The following BAIAP2 variants were observed in gnomAD, a reference collection of about 807,000 sequenced individuals.
BAIAP2 encodes the protein BAR/IMD domain-containing adapter protein 2.
In BAIAP2, 18 loss-of-function variants were observed where a neutral mutation model predicts 63.0. The observed-to-expected ratio is 0.29, with a 90% CI of 0.20 to 0.42. The LOEUF is 0.42. Among genes scored for constraint, BAIAP2 ranks in the 10% least tolerant of loss-of-function variants. BAIAP2 has a pLI of 1.00. For missense variants in BAIAP2, 610 were observed against 734.3 expected (o/e 0.83, Z 1.96); for synonymous variants, 386 against 307.6 (o/e 1.25, Z -2.67).
intron 2 of BAIAP2, among the ~76,000 whole-genome samples, chr17:81,056,947 T>TTGCGTTTTTCTGC (rs1312343987): frequency 2.0e-5 from 3 of 152,252 alleles, no homozygotes; most frequent in Non-Finnish European, 4.4e-5. Flanking sequence ...TTTTCTTTTG[T>TTGCGTTTTTCTGC]TCGAGGCAGC....
chr17:81,042,034 CAG>C (rs2047145004), intron 1 of BAIAP2, among the ~76,000 whole-genome samples: 1 of 152,148 alleles, frequency 6.6e-6, no homozygotes, highest in South Asian at 2.1e-4. Flanking sequence ...CCTGAGCCGT[CAG>C]GGGTGCCAAT....
rs1410629587 is a variant in BAIAP2 at position 81,114,590 on chromosome 17, G to A, written c.1536-1180G>A. Among the ~76,000 whole-genome samples the A allele has an allele frequency of 2.0e-5, 3 of 152,226 alleles. No homozygotes were observed. In the East Asian group the frequency reaches 5.8e-4, roughly 29 times the overall value. ...ATGCTTAGACGCCATCTGGGAGTCT[G>A]GGAGCCTTCCGCAGACCTGTCAGTC... On this transcript the variant is annotated intron_variant, in intron 13 of 13. Coordinates refer to ENST00000428708, the MANE Select transcript of BAIAP2 (RefSeq NM_001144888.2).
In BAIAP2 at chr17:81,103,538, C is replaced by A; in HGVS notation, c.679C>A (p.Gln227Lys). The A allele has an allele frequency of 6.3e-7, 1 of 1,594,352 alleles. No individual in the cohort carries two copies. The highest frequency in any genetic ancestry group is 2.3e-5 in the East Asian group (1 of 44,420). The change falls in exon 8 of 14, where the codon CAA (glutamine) becomes AAA (lysine). Residue 227 changes from glutamine (Q) to lysine (K), a missense_variant. By Grantham distance (53) the Gln-to-Lys change is moderately conservative. Around this residue, in one of 5 missense-constraint regions of BAIAP2, gnomAD observed 389 missense variants for 455.6 expected, o/e 0.85. Coordinates refer to ENST00000428708, the MANE Select transcript of BAIAP2 (RefSeq NM_001144888.2). ...ELLAQKLPLWQQACADPSKIP... is the reference protein window; with the variant it reads ...ELLAQKLPLWKQACADPSKIP... ...GCTGGCGCAGAAGCTGCCGCTGTGG[C>A]AACAGGCCTGTGCCGACCCCAGCAA...
At chr17:81,060,251 G>A (rs2050317092) in intron 3 of BAIAP2, among the ~76,000 whole-genome samples, 1 of 152,182 alleles carries the variant, frequency 6.6e-6, no homozygotes, top group South Asian at 2.1e-4. Context: ...TATTTACAGT[G>A]TGCAACCATT....
intron 1 of BAIAP2, among the ~76,000 whole-genome samples, chr17:81,044,579 C>T (rs11659017): frequency 0.19 from 28,826 of 152,196 alleles, 3,507 homozygotes; most frequent in Non-Finnish European, 0.26. Context: ...AACTTCAACA[C>T]GTGCATCTTG....
intron 3 of BAIAP2, among the ~76,000 whole-genome samples, chr17:81,058,544 A>G (rs766218928): frequency 2.1e-4 from 32 of 152,168 alleles, no homozygotes; most frequent in Non-Finnish European, 4.3e-4. Flanking sequence ...CCATGCTTCC[A>G]CAGTCCCCTC....
intron 3 of BAIAP2, among the ~76,000 whole-genome samples, chr17:81,084,622 A>C (rs2055243373): frequency 6.6e-6 from 1 of 152,088 alleles, no homozygotes; most frequent in Non-Finnish European, 1.5e-5. Context: ...CGTGCTGTGC[A>C]TTTGAGGTCT....
At chr17:81,037,758 T>TGTTTG (rs1192177544) in intron 1 of BAIAP2, among the ~76,000 whole-genome samples, 2 of 152,222 alleles carry the variant, frequency 1.3e-5, no homozygotes, top group South Asian at 2.1e-4. Flanking sequence ...GCGGCTCAGC[T>TGTTTG]GTTTGGTTTG....
At chr17:81,079,011 G>A (rs1196170018) in intron 3 of BAIAP2, among the ~76,000 whole-genome samples, 2 of 152,306 alleles carry the variant, frequency 1.3e-5, no homozygotes, top group South Asian at 2.1e-4. Context: ...GAGGGCAGTT[G>A]TGGGGTCTCA....
chr17:81,085,564 T>C, intron 4 of BAIAP2, 90 bp from the exon 5 acceptor site: 1 of 1,085,194 alleles, frequency 9.2e-7, no homozygotes, highest in Non-Finnish European at 1.4e-6. Flanking sequence ...ACCCGGTGTC[T>C]CGTGCCCATC....
At chr17:81,075,405 C>A (rs1346285304) in intron 3 of BAIAP2, among the ~76,000 whole-genome samples, 1 of 152,224 alleles carries the variant, frequency 6.6e-6, no homozygotes, top group African/African-American at 2.4e-5. Flanking sequence ...ATCTTTGAAT[C>A]GTGTGAAGCG....
chr17:81,038,101 C>T (rs762904753), intron 1 of BAIAP2, among the ~76,000 whole-genome samples: 7 of 152,228 alleles, frequency 4.6e-5, no homozygotes, highest in Non-Finnish European at 1.0e-4. Context: ...GCGGAAGACC[C>T]CTTCCTCCAC....
intron 6 of BAIAP2, among the ~76,000 whole-genome samples, chr17:81,093,920 T>A (rs968366915): frequency 6.6e-6 from 1 of 152,124 alleles, no homozygotes; most frequent in African/African-American, 2.4e-5. Context: ...TAAGGCTGTC[T>A]GTGGACAACC....
In BAIAP2 at chr17:81,106,047, G is replaced by A. The variant is rs371051881; in HGVS notation, c.1269-31G>A. The A allele has an allele frequency of 7.3e-5, 114 of 1,554,794 alleles. 1 individual carries two copies. In the African/African-American group the frequency reaches 1.4e-3, roughly 19 times the overall value. ...GGGGGATGGGGAGCCTCTGGGCTGA[G>A]CGTGGCTCTTACCTGGGGCCTCTCT... is the stretch of plus-strand genomic sequence containing the variant. On this transcript the variant is annotated intron_variant, in intron 10 of 13. Transcript: ENST00000428708.
At position 81,106,109 on chromosome 17, in the gene BAIAP2, G is replaced by T. The variant is rs2059152941; in HGVS notation, c.1300G>T (p.Val434Phe). 1 of 1,584,258 alleles carries T rather than the reference G, an allele frequency of 6.3e-7. No individual in the cohort carries two copies. The highest frequency in any genetic ancestry group is 8.6e-7 in the Non-Finnish European group (1 of 1,164,946). The change falls in exon 11 of 14, where the codon GTC (valine) becomes TTC (phenylalanine). Residue 434 changes from valine (V) to phenylalanine (F), a missense_variant. Physicochemically the swap from Val to Phe is conservative, Grantham distance 50. Coordinates refer to ENST00000428708, the MANE Select transcript of BAIAP2 (RefSeq NM_001144888.2). ...RGWFPFSYTR[V>F]LDSDGSDRLH... ...CTGGTTTCCCTTCTCCTACACCCGG[G>T]TCTTGGACAGCGATGGCAGTGACAG... is the stretch of plus-strand genomic sequence containing the variant.
At position 81,116,649 on chromosome 17, in the gene BAIAP2, C is replaced by A. The variant is rs897425717; in HGVS notation, c.*810C>A. ...AGGACTCCTGGGTGGACCTCCCCCC[C>A]CCACCTCCGCTGACTCCTGCAGGCA... On this transcript the variant is annotated 3_prime_UTR_variant, in exon 14 of 14. Transcript: ENST00000428708. The A allele has an allele frequency of 1.1e-5, 4 of 359,844 alleles. No homozygotes were observed. Among genetic ancestry groups the A allele is most frequent in the Admixed American group, 8.1e-5 (2 of 24,748 alleles). The allele number at this position is 359,844 out of a possible 1,614,324, so 22.3% of individuals were successfully genotyped here. A position where few individuals can be genotyped will look rare whatever the true frequency, so the allele number is the denominator to read the frequency against.
rs1164611641 is a variant in BAIAP2 at position 81,046,778 on chromosome 17, C to A, written c.55-6890C>A. On this transcript the variant is annotated intron_variant, in intron 1 of 13. Coordinates refer to ENST00000428708, the MANE Select transcript of BAIAP2 (RefSeq NM_001144888.2). This position sits in a 1 kb window ranked among gnomAD's most constrained non-coding sequence, Gnocchi z 4.5. ...CGGGGGTTTCCAGGCTTGGCTCTGT[C>A]CCGTGCGCCCTTCCCTGGAGCCTGG... Among the ~76,000 whole-genome samples, 1 of 152,110 alleles carries A rather than the reference C, an allele frequency of 6.6e-6. No homozygotes were observed. The highest frequency in any genetic ancestry group is 1.5e-5 in the Non-Finnish European group (1 of 67,990).
Position 81,100,345 on chromosome 17 carries a change from CTAGAA to C in BAIAP2, c.642+267_642+271del, listed in dbSNP as rs1419252350. On this transcript the variant is annotated intron_variant, in intron 7 of 13. Transcript: ENST00000428708. ...TTTCAAGGCCTTCTAGAACATTCTT[CTAGAA>C]TGTTCTTGGCTCTTCTGCCACAGCC... 3.2e-5 allele frequency among the ~76,000 whole-genome samples: 3 copies of C among 92,932 alleles called. No homozygotes were observed. In the East Asian group the frequency reaches 2.2e-3, roughly 67 times the overall value. The allele number at this position is 92,932 out of a possible 152,430, so 61.0% of individuals were successfully genotyped here.
At chr17:81,113,219 C>T (rs2060114708) in intron 13 of BAIAP2, among the ~76,000 whole-genome samples, 1 of 152,234 alleles carries the variant, frequency 6.6e-6, no homozygotes, top group African/African-American at 2.4e-5. Context: ...ATGACGCAGG[C>T]CCTCCTCAGG....
Sources: gnomAD v4.1 joint callset for allele counts (sites outside exome capture counted in the v4.1 genomes callset) on GRCh38, gnomAD v4.1.1 for gene constraint, gnomAD v4.1.1 regional missense constraint, Gnocchi (gnomAD v3.1) non-coding constraint, MANE v1.5 for transcripts, NCBI Gene and HGNC (gene_info 2026-07-23, HGNC 2026-07-21) for gene names.